EPHA3: variants seen among roughly 807,000 people sequenced by gnomAD.
EPHA3 encodes EPH receptor A3.
Under a neutral mutation model 107.1 loss-of-function variants are expected in EPHA3, and 42 were observed. The ratio of observed to expected loss-of-function variants is 0.39; its 90% CI spans 0.31 to 0.51. EPHA3 has a LOEUF of 0.51. EPHA3 is among the 20% of genes least tolerant of loss of function. The pLI is 0.78. For synonymous variants in EPHA3, 461 were observed against 424.8 expected (o/e 1.09, Z -1.05); for missense variants, 1,183 against 1,211.2 (o/e 0.98, Z 0.35).
intron 11 of EPHA3, among the ~76,000 whole-genome samples, chr3:89,425,488 C>A (rs1709437047): frequency 6.7e-6 from 1 of 149,930 alleles, no homozygotes; most frequent in South Asian, 2.1e-4. Context: ...TATAATATAC[C>A]CTCATTAGAG....
chr3:89,232,544 C>T (rs949997439), intron 3 of EPHA3, among the ~76,000 whole-genome samples: 2 of 152,062 alleles, frequency 1.3e-5, no homozygotes, highest in Non-Finnish European at 2.9e-5. Context: ...ACAATATAAC[C>T]ATACCTTCTT....
At position 89,428,232 on chromosome 3, in the gene EPHA3, T is replaced by C. The variant is rs543348314; in HGVS notation, c.2075-874T>C. ...AAAGTGACAGCATAGTGTGTACAGGTTGCAACTTTTAGCTTTATAACTTGT... is the reference window on the plus strand; with the variant it reads ...AAAGTGACAGCATAGTGTGTACAGGCTGCAACTTTTAGCTTTATAACTTGT... On this transcript the variant is annotated intron_variant, in intron 11 of 16. Coordinates refer to ENST00000336596, the MANE Select transcript of EPHA3 (RefSeq NM_005233.6). Among the ~76,000 whole-genome samples the C allele has an allele frequency of 8.5e-5, 13 of 152,158 alleles. No homozygotes were observed. In the South Asian group the frequency reaches 2.5e-3, roughly 29 times the overall value.
chr3:89,119,917 G>T (rs1460086948), intron 1 of EPHA3, among the ~76,000 whole-genome samples: 1 of 151,990 alleles, frequency 6.6e-6, no homozygotes, highest in Non-Finnish European at 1.5e-5. Flanking sequence ...TATTTCTAAA[G>T]GAAATACTAC....
At chr3:89,378,747 T>C (rs1358824739) in intron 5 of EPHA3, among the ~76,000 whole-genome samples, 2 of 152,194 alleles carry the variant, frequency 1.3e-5, no homozygotes, top group African/African-American at 4.8e-5. Context: ...GAAACAAGTA[T>C]TGCTGTATTT....
intron 5 of EPHA3, among the ~76,000 whole-genome samples, chr3:89,369,019 C>A (rs1434845753): frequency 6.6e-6 from 1 of 150,536 alleles, no homozygotes; most frequent in African/African-American, 2.4e-5. Context: ...CTCAAGTAAT[C>A]TGACAGCTGT....
At chr3:89,400,156 T>A in intron 7 of EPHA3, 1 of 720,520 alleles carries the variant, frequency 1.4e-6, no homozygotes, top group Non-Finnish European at 1.7e-6. Flanking sequence ...TGAGTAGAAG[T>A]TAATGATTTT....
intron 2 of EPHA3, among the ~76,000 whole-genome samples, chr3:89,173,655 A>T (rs1475790061): frequency 6.6e-6 from 1 of 152,012 alleles, no homozygotes; most frequent in Non-Finnish European, 1.5e-5. Flanking sequence ...CTGTATTCAA[A>T]ACCTGATGAT....
rs1709433784 is a variant in EPHA3 at position 89,425,367 on chromosome 3, C to A, written c.2075-3739C>A. Among the ~76,000 whole-genome samples the A allele has an allele frequency of 2.0e-5, 3 of 148,540 alleles. No individual in the cohort carries two copies. In the Admixed American group the frequency reaches 2.0e-4, roughly 10 times the overall value. ...TCAAATCTTCTTTCCTGGAAATAGG[C>A]AAATTTTGTCAATTTTTTTCAACTT... On this transcript the variant is annotated intron_variant, in intron 11 of 16. Coordinates refer to ENST00000336596, the MANE Select transcript of EPHA3 (RefSeq NM_005233.6).
chr3:89,349,544 C>G (rs1370526007), intron 5 of EPHA3, among the ~76,000 whole-genome samples: 1 of 149,036 alleles, frequency 6.7e-6, no homozygotes. Context: ...GAATACAGCA[C>G]ACTGATGGGT....
At chr3:89,434,992 T>G (rs938500497) in intron 13 of EPHA3, among the ~76,000 whole-genome samples, 1 of 152,116 alleles carries the variant, frequency 6.6e-6, no homozygotes, top group African/African-American at 2.4e-5. Flanking sequence ...CATCATTGAT[T>G]TAATCTCTCA....
At chr3:89,439,723 GCACA>G (rs59868005) in intron 13 of EPHA3, among the ~76,000 whole-genome samples, 7,998 of 133,214 alleles carry the variant, frequency 0.06, 249 homozygotes, top group South Asian at 0.061. Flanking sequence ...TCATATTAAG[GCACA>G]CACACACACA....
intron 5 of EPHA3, among the ~76,000 whole-genome samples, chr3:89,376,917 T>C (rs1031396810): frequency 1.3e-4 from 20 of 152,138 alleles, no homozygotes; most frequent in African/African-American, 4.6e-4. Context: ...AATTCTTTGG[T>C]TGCATGTTTT....
chr3:89,250,698 C>G (rs540348838), intron 3 of EPHA3, among the ~76,000 whole-genome samples: 109 of 152,292 alleles, frequency 7.2e-4, no homozygotes, highest in Non-Finnish European at 1.4e-3. Context: ...AAGGCTCAAA[C>G]TTATGGCATC....
intron 3 of EPHA3, among the ~76,000 whole-genome samples, chr3:89,292,718 G>A (rs146616758): frequency 2.7e-3 from 415 of 152,052 alleles, no homozygotes; most frequent in African/African-American, 9.6e-3. Context: ...TCATTTATTC[G>A]TTTAACTTTG....
chr3:89,172,023 C>T (rs1705221502), intron 2 of EPHA3, among the ~76,000 whole-genome samples: 1 of 152,084 alleles, frequency 6.6e-6, no homozygotes, highest in African/African-American at 2.4e-5. Flanking sequence ...TTCTTCGTAA[C>T]CAACCGCCCC....
intron 2 of EPHA3, among the ~76,000 whole-genome samples, chr3:89,164,350 G>A (rs1242769266): frequency 1.3e-5 from 2 of 151,628 alleles, no homozygotes; most frequent in Admixed American, 6.6e-5. Flanking sequence ...ATCCTGGGCC[G>A]CATGCGGCCC....
At chr3:89,373,939 T>C (rs1362069407) in intron 5 of EPHA3, among the ~76,000 whole-genome samples, 1 of 151,848 alleles carries the variant, frequency 6.6e-6, no homozygotes, top group Non-Finnish European at 1.5e-5. Context: ...AGAGTCCATT[T>C]GGTCTGATTA....
chr3:89,180,903 C>A (rs1185522192), intron 2 of EPHA3, among the ~76,000 whole-genome samples: 1 of 151,846 alleles, frequency 6.6e-6, no homozygotes, highest in African/African-American at 2.4e-5. Flanking sequence ...AAAATAATTT[C>A]CAGAGAGTTG....
intron 3 of EPHA3, among the ~76,000 whole-genome samples, chr3:89,218,242 A>G (rs1213791152): frequency 2.7e-5 from 4 of 149,826 alleles, no homozygotes; most frequent in East Asian, 2.0e-4. Context: ...TGCACCCATT[A>G]TCTCCTCATT....
Sources: gnomAD v4.1 joint callset for allele counts (sites outside exome capture counted in the v4.1 genomes callset) on GRCh38, gnomAD v4.1.1 for gene constraint, MANE v1.5 for transcripts, NCBI Gene and HGNC (gene_info 2026-07-23, HGNC 2026-07-21) for gene names.